The following PDE4D variants were observed in gnomAD, a reference collection of about 807,000 sequenced individuals.
The protein encoded by PDE4D is phosphodiesterase 4D.
Under a neutral mutation model 87.4 loss-of-function variants are expected in PDE4D, and 24 were observed. The ratio of observed to expected loss-of-function variants is 0.27; its 90% CI spans 0.20 to 0.39. The LOEUF is 0.39. Ranked by LOEUF, PDE4D falls within the 10% of genes least tolerant of loss-of-function variation. The pLI is 1.00. For synonymous variants in PDE4D, 384 were observed against 383.2 expected, an observed-to-expected ratio of 1.00 and a Z score of -0.02; for missense variants, 714 against 1,041.0, an observed-to-expected ratio of 0.69 and a Z score of 4.32.
chr5:59,169,046 GA>G (rs1581165380), intron 5 of PDE4D, among the ~76,000 whole-genome samples: 3 of 150,792 alleles, frequency 2.0e-5, no homozygotes, highest in Non-Finnish European at 4.4e-5. Flanking sequence ...ATATCCAACT[GA>G]TTTTTAAAGC....
chr5:59,101,954 A>T (rs1301371007), intron 5 of PDE4D, among the ~76,000 whole-genome samples: 1 of 151,848 alleles, frequency 6.6e-6, no homozygotes, highest in African/African-American at 2.4e-5. Flanking sequence ...ATACCAGGGA[A>T]TCCTTCCTTC....
At chr5:60,042,256 C>G (rs910676579) in intron 2 of PDE4D, among the ~76,000 whole-genome samples, 4 of 152,154 alleles carry the variant, frequency 2.6e-5, no homozygotes, top group Non-Finnish European at 5.9e-5. Context: ...GATTCCTCCT[C>G]TCTGGGCAGG....
intron 2 of PDE4D, among the ~76,000 whole-genome samples, chr5:60,136,596 T>C (rs1780071231): frequency 1.3e-5 from 2 of 152,210 alleles, no homozygotes; most frequent in Non-Finnish European, 2.9e-5. Flanking sequence ...TATCATGTTA[T>C]TTTTAAACCA....
At chr5:59,067,548 C>T (rs1364278423) in intron 5 of PDE4D, among the ~76,000 whole-genome samples, 1 of 152,084 alleles carries the variant, frequency 6.6e-6, no homozygotes, top group African/African-American at 2.4e-5. Context: ...GTTTCTGATA[C>T]AGTTTTTGGA....
chr5:59,835,395 A>G (rs571157563), intron 1 of PDE4D, among the ~76,000 whole-genome samples: 1 of 152,178 alleles, frequency 6.6e-6, no homozygotes, highest in East Asian at 1.9e-4. Flanking sequence ...AAACAGTACT[A>G]GAATACATGA....
At chr5:59,888,474 A>T (rs1244165032) in intron 1 of PDE4D, among the ~76,000 whole-genome samples, 1 of 152,254 alleles carries the variant, frequency 6.6e-6, no homozygotes, top group Admixed American at 6.5e-5. Context: ...GGTTCAAACT[A>T]ATTTTGAAAA....
intron 1 of PDE4D, among the ~76,000 whole-genome samples, chr5:60,501,157 C>T (rs191295406): frequency 4.6e-5 from 7 of 152,146 alleles, no homozygotes; most frequent in African/African-American, 1.7e-4. Context: ...CCGCTTCCCC[C>T]ACCCCACAAC....
At chr5:59,690,352 T>C (rs1245551843) in intron 1 of PDE4D, among the ~76,000 whole-genome samples, 3 of 152,176 alleles carry the variant, frequency 2.0e-5, no homozygotes, top group Non-Finnish European at 4.4e-5. Context: ...AACAGCATGG[T>C]ACTGGTACCA....
At chr5:59,053,648 T>TTTGTTTG (rs1561396135) in intron 5 of PDE4D, among the ~76,000 whole-genome samples, 1 of 114,076 alleles carries the variant, frequency 8.8e-6, no homozygotes, top group Admixed American at 9.2e-5. Flanking sequence ...GTTTTTTGTT[T>TTTGTTTG]TTTTTTGTTG....
At chr5:60,142,840 A>G (rs1780655685) in intron 2 of PDE4D, among the ~76,000 whole-genome samples, 1 of 152,234 alleles carries the variant, frequency 6.6e-6, no homozygotes, top group Admixed American at 6.5e-5. Context: ...GGAGCATATG[A>G]CAATTACCAA....
rs537699659 is a variant in PDE4D at position 60,471,588 on chromosome 5, C to T, written c.-90+16354G>A. Among the ~76,000 whole-genome samples the T allele has an allele frequency of 1.3e-4, 20 of 152,226 alleles. No homozygotes were observed. In the South Asian group the frequency reaches 3.5e-3, roughly 27 times the overall value. On this transcript the variant is annotated intron_variant, in intron 1 of 16. Coordinates refer to the PDE4D transcript ENST00000502484. Reference sequence around the variant, plus strand: ...TTTCATGCAATTGTCACAACCACCCCAACATTCAGAAACCACCATCCTGAT... The same window carrying T: ...TTTCATGCAATTGTCACAACCACCCTAACATTCAGAAACCACCATCCTGAT...
intron 1 of PDE4D, among the ~76,000 whole-genome samples, chr5:59,334,002 T>C (rs1251314783): frequency 6.6e-6 from 1 of 152,062 alleles, no homozygotes; most frequent in Non-Finnish European, 1.5e-5. Context: ...CTGAAAAGTC[T>C]TTACTGCTAC....
At chr5:59,018,380 T>TA in intron 6 of PDE4D, among the ~76,000 whole-genome samples, 1 of 152,362 alleles carries the variant, frequency 6.6e-6, no homozygotes, top group East Asian at 1.9e-4. Context: ...CCATGTTGTG[T>TA]AAGTCTATTA....
At chr5:59,160,858 G>A (rs1780978977) in intron 5 of PDE4D, among the ~76,000 whole-genome samples, 1 of 152,162 alleles carries the variant, frequency 6.6e-6, no homozygotes, top group South Asian at 2.1e-4. Flanking sequence ...AGCACTTTGG[G>A]AGGCCGAGAT....
At chr5:59,088,990 T>C (rs765410797) in intron 5 of PDE4D, among the ~76,000 whole-genome samples, 3 of 152,170 alleles carry the variant, frequency 2.0e-5, no homozygotes, top group Non-Finnish European at 4.4e-5. Flanking sequence ...TACAATATCT[T>C]CTCTCCTCCT....
intron 5 of PDE4D, among the ~76,000 whole-genome samples, chr5:59,146,969 G>A (rs1010268193): frequency 3.3e-5 from 5 of 152,106 alleles, no homozygotes; most frequent in Admixed American, 6.5e-5. Context: ...GCAGGCAAGC[G>A]AGCATTACCA....
chr5:59,537,926 C>G (rs1815564068), intron 1 of PDE4D, among the ~76,000 whole-genome samples: 1 of 152,144 alleles, frequency 6.6e-6, no homozygotes, highest in African/African-American at 2.4e-5. Context: ...AACATGTCTA[C>G]AGTAAATATA....
At position 59,431,296 on chromosome 5, in the gene PDE4D, T is replaced by A. The variant is rs550397280; in HGVS notation, c.456-215328A>T. Reference sequence around the variant, plus strand: ...TGAAGGCAGCAGGGTCTTAGAGAAATGCTGTATCTTTATCCCACAGTTTTT... The same window carrying A: ...TGAAGGCAGCAGGGTCTTAGAGAAAAGCTGTATCTTTATCCCACAGTTTTT... On this transcript the variant is annotated intron_variant, in intron 1 of 14. Transcript: ENST00000340635. Among the ~76,000 whole-genome samples the A allele has an allele frequency of 1.6e-4, 25 of 152,258 alleles. No homozygotes were observed. In the South Asian group the frequency reaches 5.0e-3, roughly 30 times the overall value.
Position 59,890,580 on chromosome 5 carries a change from G to A in PDE4D, c.455+2588C>T, listed in dbSNP as rs962106150. ...GTTCATTCAGGCTTTATGTCCTGTA[G>A]TATCAGTCGATATAAACTTCACGTT... On this transcript the variant is annotated intron_variant, in intron 1 of 14. Transcript: ENST00000340635. Among the ~76,000 whole-genome samples, 23 of 152,272 alleles carry A rather than the reference G, an allele frequency of 1.5e-4. 1 individual carries two copies. The highest frequency in any genetic ancestry group is 5.5e-4 in the African/African-American group (23 of 41,546).
Sources: allele counts gnomAD v4.1 joint callset (sites outside exome capture counted in the v4.1 genomes callset), GRCh38; gene constraint gnomAD v4.1.1; transcripts MANE v1.5; gene names NCBI Gene and HGNC (gene_info 2026-07-23, HGNC 2026-07-21).